PLCB1: variants seen among roughly 807,000 people sequenced by gnomAD.
PLCB1 encodes 1-phosphatidylinositol 4,5-bisphosphate phosphodiesterase beta-1.
PLCB1 carries 46 observed loss-of-function variants against 161.8 expected under a neutral mutation model. The observed-to-expected ratio is 0.28, with a 90% CI of 0.22 to 0.36. The LOEUF (loss-of-function observed/expected upper bound fraction) is 0.36, where lower values mean the gene tolerates loss of function less well. PLCB1 is among the 10% of genes least tolerant of loss of function. The pLI is 1.00. For missense variants in PLCB1, 1,016 were observed against 1,472.5 expected (o/e 0.69, Z 5.07); for synonymous variants, 517 against 503.7 (o/e 1.03, Z -0.35).
At chr20:8,728,927 C>A in intron 17 of PLCB1, 123 bp from the exon 18 acceptor site, 2 of 555,314 alleles carry the variant, frequency 3.6e-6, no homozygotes, top group East Asian at 3.4e-5. Flanking sequence ...CCAAAGTAGC[C>A]CAACGAGATC....
intron 2 of PLCB1, among the ~76,000 whole-genome samples, chr20:8,304,143 A>G (rs1336453623): frequency 6.6e-6 from 1 of 152,128 alleles, no homozygotes; most frequent in African/African-American, 2.4e-5. Flanking sequence ...AATCTGATGG[A>G]CTCAAGGGCA....
chr20:8,726,671 G>A (rs576106343), intron 16 of PLCB1, among the ~76,000 whole-genome samples: 5 of 151,958 alleles, frequency 3.3e-5, no homozygotes, highest in Admixed American at 6.6e-5. Flanking sequence ...ACCCCCACTT[G>A]GTAACCCCCC....
intron 4 of PLCB1, among the ~76,000 whole-genome samples, chr20:8,632,045 T>G (rs978744496): frequency 0.011 from 745 of 69,324 alleles, 17 homozygotes; most frequent in African/African-American, 0.029. Flanking sequence ...CTTTTTTTTT[T>G]TTTTTTTTTT....
chr20:8,843,300 A>C (rs1028119703), intron 31 of PLCB1, among the ~76,000 whole-genome samples: 1 of 152,210 alleles, frequency 6.6e-6, no homozygotes, highest in African/African-American at 2.4e-5. Flanking sequence ...ATTTTGTGGA[A>C]TATCTACACT....
At chr20:8,403,048 A>G (rs996551664) in intron 3 of PLCB1, among the ~76,000 whole-genome samples, 7 of 152,234 alleles carry the variant, frequency 4.6e-5, no homozygotes, top group African/African-American at 1.4e-4. Flanking sequence ...AGTGTTGTAT[A>G]TGATATCATT....
rs747967297 is a variant in PLCB1 at position 8,647,942 on chromosome 20, T to A, written c.507T>A (p.Ile169=). The A allele has an allele frequency of 1.3e-5, 20 of 1,570,230 alleles. No homozygotes were observed. The South Asian group carries it at 2.4e-4, about 19-fold the overall frequency. Residue 169 remains isoleucine (I), a synonymous_variant, in exon 6 of 32, where the codon ATT becomes ATA. Transcript: ENST00000338037. The part of the protein sequence containing the change: ...LKLQVTPEGR[I]PLKNIYRLFS... ...TGCAAGTCACTCCAGAAGGGCGTAT[T>A]CCTCTCAAAAAGTAAGCTTTGTGAG... is the stretch of plus-strand genomic sequence containing the variant.
intron 2 of PLCB1, among the ~76,000 whole-genome samples, chr20:8,300,458 A>G (rs1983849856): frequency 6.6e-6 from 1 of 152,048 alleles, no homozygotes; most frequent in African/African-American, 2.4e-5. Context: ...TTTCTCCCCA[A>G]ATTAGAGTCT....
At chr20:8,741,274 T>G (rs1009141042) in intron 22 of PLCB1, among the ~76,000 whole-genome samples, 190 bp from the exon 23 acceptor site, 1 of 152,116 alleles carries the variant, frequency 6.6e-6, no homozygotes. Flanking sequence ...GAGGAGTAGA[T>G]AGTTATATGG....
intron 31 of PLCB1, among the ~76,000 whole-genome samples, chr20:8,828,565 A>G (rs548955866): frequency 6.6e-6 from 1 of 152,312 alleles, no homozygotes; most frequent in African/African-American, 2.4e-5. Flanking sequence ...TCTTATTGGG[A>G]CAGGCTTAAA....
intron 6 of PLCB1, among the ~76,000 whole-genome samples, 181 bp downstream of exon 6, chr20:8,648,134 G>A (rs1008744528): frequency 6.6e-6 from 1 of 152,094 alleles, no homozygotes; most frequent in Non-Finnish European, 1.5e-5. Context: ...ACGTCTCCCC[G>A]GGGCTTCCCT....
chr20:8,301,518 A>G (rs1983911672), intron 2 of PLCB1, among the ~76,000 whole-genome samples: 1 of 152,104 alleles, frequency 6.6e-6, no homozygotes, highest in Non-Finnish European at 1.5e-5. Flanking sequence ...GAATGCTAAG[A>G]GAGCCACCAC....
chr20:8,701,542 A>T (rs893745318), intron 11 of PLCB1, among the ~76,000 whole-genome samples: 1 of 152,114 alleles, frequency 6.6e-6, no homozygotes, highest in African/African-American at 2.4e-5. Flanking sequence ...TTAGTAATGT[A>T]TTTTCCTAAG....
chr20:8,207,302 A>G (rs935134012), intron 2 of PLCB1, among the ~76,000 whole-genome samples: 4 of 152,208 alleles, frequency 2.6e-5, no homozygotes, highest in African/African-American at 9.6e-5. Context: ...GAACTGCCAC[A>G]TATTTTAAAG....
At chr20:8,752,312 CT>C (rs1249353573) in intron 23 of PLCB1, 1 of 152,174 alleles carries the variant, frequency 6.6e-6, no homozygotes, top group Admixed American at 6.5e-5. Flanking sequence ...AGTTACATGA[CT>C]TTTAATAAAG....
intron 3 of PLCB1, 38 bp downstream of exon 3, chr20:8,371,488 CTTGA>C: frequency 7.0e-7 from 1 of 1,423,124 alleles, no homozygotes; most frequent in Non-Finnish European, 9.8e-7. Context: ...CAGATGCTGC[CTTGA>C]TTGTTTGGCT....
chr20:8,359,297 A>C (rs1282654001), intron 2 of PLCB1, among the ~76,000 whole-genome samples: 2 of 152,208 alleles, frequency 1.3e-5, no homozygotes, highest in Admixed American at 1.3e-4. Flanking sequence ...TGAAATGATA[A>C]AATGAATTAT....
chr20:8,742,756 C>T (rs909095492), intron 23 of PLCB1, among the ~76,000 whole-genome samples: 5 of 152,278 alleles, frequency 3.3e-5, no homozygotes, highest in East Asian at 3.9e-4. Context: ...CATATAGCTC[C>T]ACCATAATTT....
intron 5 of PLCB1, among the ~76,000 whole-genome samples, chr20:8,647,105 T>C (rs1989190715): frequency 6.6e-6 from 1 of 152,206 alleles, no homozygotes; most frequent in African/African-American, 2.4e-5. Flanking sequence ...TCTCCTGAGT[T>C]TGTTAACTTA....
intron 2 of PLCB1, among the ~76,000 whole-genome samples, chr20:8,315,281 G>A (rs1381404934): frequency 6.6e-6 from 1 of 152,148 alleles, no homozygotes; most frequent in Non-Finnish European, 1.5e-5. Flanking sequence ...CAAAATAAGT[G>A]AGCCACCAAA....
Sources: allele counts gnomAD v4.1 joint callset (sites outside exome capture counted in the v4.1 genomes callset), GRCh38; gene constraint gnomAD v4.1.1; transcripts MANE v1.5; gene names NCBI Gene and HGNC (gene_info 2026-07-23, HGNC 2026-07-21).